SYNPR: variants seen among roughly 807,000 people sequenced by gnomAD.
SYNPR encodes synaptoporin.
SYNPR carries 23 observed loss-of-function variants against 32.9 expected under a neutral mutation model. The observed-to-expected ratio is 0.70, with a 90% CI of 0.50 to 0.99. The LOEUF is 0.99. SYNPR is among the 50% of genes least tolerant of loss of function. SYNPR has a pLI of 0.00. For synonymous variants in SYNPR, 146 were observed against 135.9 expected, an observed-to-expected ratio of 1.07 and a Z score of -0.52; for missense variants, 318 against 349.3, an observed-to-expected ratio of 0.91 and a Z score of 0.71.
In SYNPR at chr3:63,468,491, G is replaced by GCACACACACACACACACACA. The variant is rs10663212; in HGVS notation, c.85-12336_85-12317dup. ...GGATTCTATTTAATATACCTGCAAA[G>GCACACACACACACACACACA]CACACACACACACACACACACACAA... On this transcript the variant is annotated intron_variant, in intron 2 of 5. Transcript: ENST00000478300. Among the ~76,000 whole-genome samples, 503 of 148,634 alleles carry GCACACACACACACACACACA rather than the reference G, an allele frequency of 3.4e-3. 7 individuals are homozygous for GCACACACACACACACACACA. The highest frequency in any genetic ancestry group is 0.012 in the African/African-American group (481 of 40,108).
intron 2 of SYNPR, among the ~76,000 whole-genome samples, chr3:63,430,108 T>A (rs1699965828): frequency 6.6e-6 from 1 of 152,222 alleles, no homozygotes; most frequent in African/African-American, 2.4e-5. Context: ...GTTGGGAATC[T>A]GAAACTTTGG....
intron 2 of SYNPR, among the ~76,000 whole-genome samples, chr3:63,349,670 C>A (rs1167679469): frequency 6.6e-6 from 1 of 152,138 alleles, no homozygotes; most frequent in Non-Finnish European, 1.5e-5. Flanking sequence ...CATCCTGACA[C>A]TTTACTGAAT....
intron 2 of SYNPR, among the ~76,000 whole-genome samples, chr3:63,298,588 G>C (rs1033095417): frequency 2.0e-5 from 3 of 152,094 alleles, no homozygotes; most frequent in Admixed American, 6.6e-5. Context: ...CTGCCTTAGG[G>C]ACAAAAAGGT....
At chr3:63,253,395 C>T (rs1006623103) in intron 2 of SYNPR, among the ~76,000 whole-genome samples, 1 of 152,154 alleles carries the variant, frequency 6.6e-6, no homozygotes, top group South Asian at 2.1e-4. Context: ...ACTGTAGCAT[C>T]ATTTGGACAA....
At chr3:63,367,506 G>A (rs1276904437) in intron 2 of SYNPR, among the ~76,000 whole-genome samples, 1 of 151,940 alleles carries the variant, frequency 6.6e-6, no homozygotes. Context: ...ACAGGAACAT[G>A]CACCATGCCC....
chr3:63,328,978 T>C (rs2087195638), intron 2 of SYNPR, among the ~76,000 whole-genome samples: 1 of 152,142 alleles, frequency 6.6e-6, no homozygotes, highest in South Asian at 2.1e-4. Flanking sequence ...ATACAATCTA[T>C]AAGTCAAATC....
intron 2 of SYNPR, among the ~76,000 whole-genome samples, chr3:63,364,296 G>T (rs1008826061): frequency 3.3e-5 from 5 of 152,130 alleles, no homozygotes; most frequent in Non-Finnish European, 7.4e-5. Context: ...AGATATTGGT[G>T]ATGCTTTTAA....
intron 2 of SYNPR, among the ~76,000 whole-genome samples, chr3:63,456,494 C>A (rs1199023981): frequency 6.6e-6 from 1 of 152,086 alleles, no homozygotes; most frequent in African/African-American, 2.4e-5. Context: ...GCCCTTCAGG[C>A]ACAAGGTAGA....
intron 2 of SYNPR, among the ~76,000 whole-genome samples, chr3:63,420,814 CT>C (rs1347303580): frequency 6.6e-6 from 1 of 151,988 alleles, no homozygotes; most frequent in Non-Finnish European, 1.5e-5. Context: ...GTTTAAAGAA[CT>C]TATAAATCAG....
rs182318842 is a variant in SYNPR, at chr3:63,242,751, G to A, written n.67-9748G>A. Among the ~76,000 whole-genome samples, 21 of 152,078 alleles carry A rather than the reference G, an allele frequency of 1.4e-4. 1 individual carries two copies. The Middle Eastern group carries it at 0.01, about 74-fold the overall frequency. On this transcript the variant is annotated intron_variant and non_coding_transcript_variant, in intron 1 of 4. Coordinates refer to the SYNPR transcript ENST00000478456. Reference sequence around the variant, plus strand: ...AGGAGTGAAATGCTGCAACCAAAAGGAAGAATTTGCACACTAATAAGAACA... The same window carrying A: ...AGGAGTGAAATGCTGCAACCAAAAGAAAGAATTTGCACACTAATAAGAACA...
the SYNPR span, among the ~76,000 whole-genome samples, chr3:63,204,143 A>G: frequency 6.6e-6 from 1 of 152,104 alleles, no homozygotes. Context: ...CCCCCATGTT[A>G]CTTTCCTGGG....
At chr3:63,489,113 C>T (rs992029784) in intron 3 of SYNPR, among the ~76,000 whole-genome samples, 7 of 151,952 alleles carry the variant, frequency 4.6e-5, no homozygotes, top group African/African-American at 7.3e-5. Flanking sequence ...CTGGAAGCAC[C>T]GGTGAGGAAT....
intron 2 of SYNPR, among the ~76,000 whole-genome samples, chr3:63,474,260 C>T (rs1700859244): frequency 6.6e-6 from 1 of 152,196 alleles, no homozygotes; most frequent in Non-Finnish European, 1.5e-5. Flanking sequence ...GTCTACCTTG[C>T]TCCAGTCTCA....
intron 2 of SYNPR, among the ~76,000 whole-genome samples, chr3:63,334,541 T>C (rs1227514697): frequency 1.3e-5 from 2 of 151,248 alleles, no homozygotes; most frequent in Non-Finnish European, 2.9e-5. Context: ...TGTGTGTGTG[T>C]GTGTGTGTGT....
intron 2 of SYNPR, among the ~76,000 whole-genome samples, chr3:63,402,289 T>A (rs999397456): frequency 1.3e-5 from 2 of 152,094 alleles, no homozygotes; most frequent in Non-Finnish European, 1.5e-5. Context: ...CCATCAGAAA[T>A]GTCTCCAGGC....
intron 2 of SYNPR, among the ~76,000 whole-genome samples, chr3:63,449,175 TA>T (rs575491437): frequency 1.7e-4 from 26 of 152,288 alleles, no homozygotes; most frequent in Non-Finnish European, 3.2e-4. Context: ...AGAAGGTGCC[TA>T]AAGAAACTAT....
chr3:63,372,759 C>T (rs558030172), intron 2 of SYNPR, among the ~76,000 whole-genome samples: 302 of 152,322 alleles, frequency 2.0e-3, no homozygotes, highest in Middle Eastern at 3.4e-3. Context: ...AGCCTGAGCT[C>T]GCCCCAGGGC....
intron 2 of SYNPR, among the ~76,000 whole-genome samples, chr3:63,406,723 C>T (rs77229546): frequency 0.018 from 2,739 of 152,196 alleles, 74 homozygotes; most frequent in Admixed American, 0.068. Flanking sequence ...AATCTTACAA[C>T]GAGGTCTCAC....
At chr3:63,597,866 T>C (rs1699984106) in intron 4 of SYNPR, among the ~76,000 whole-genome samples, 1 of 152,222 alleles carries the variant, frequency 6.6e-6, no homozygotes, top group African/African-American at 2.4e-5. Context: ...AAACTTGTCC[T>C]GTCTATCCAT....
Sources: gnomAD v4.1 joint callset for allele counts (sites outside exome capture counted in the v4.1 genomes callset) on GRCh38, gnomAD v4.1.1 for gene constraint, MANE v1.5 for transcripts, NCBI Gene and HGNC (gene_info 2026-07-23, HGNC 2026-07-21) for gene names.